The following RSRC1 variants were observed in gnomAD, a reference collection of about 807,000 sequenced individuals.
RSRC1 encodes arginine and serine rich coiled-coil 1, also known as serine/Arginine-related protein 53.
Under a neutral mutation model 49.1 loss-of-function variants are expected in RSRC1, and 39 were observed. That is an observed-to-expected ratio of 0.79 (90% CI 0.61 to 1.04). The LOEUF is 1.04. Among genes scored for constraint, RSRC1 ranks in the 50% least tolerant of loss-of-function variants. RSRC1 has a pLI of 0.00. For missense variants in RSRC1, 388 were observed against 402.4 expected, an observed-to-expected ratio of 0.96 and a Z score of 0.31; for synonymous variants, 143 against 130.8, an observed-to-expected ratio of 1.09 and a Z score of -0.63.
Position 158,475,668 on chromosome 3 carries a change from C to T in RSRC1, c.652+14665C>T, listed in dbSNP as rs144821992. Among the ~76,000 whole-genome samples, 80 of 152,138 alleles carry T rather than the reference C, an allele frequency of 5.3e-4. No individual in the cohort carries two copies. The East Asian group carries it at 0.015, about 29-fold the overall frequency. On this transcript the variant is annotated intron_variant, in intron 7 of 9. Transcript: ENST00000611884. ...AACTGCAACCATATAAGACAATGAA[C>T]TTAATAAATAGGTAAGCGTTGTGTG...
At chr3:158,238,025 G>A (rs185641928) in intron 4 of RSRC1, among the ~76,000 whole-genome samples, 8 of 152,178 alleles carry the variant, frequency 5.3e-5, no homozygotes, top group Admixed American at 2.6e-4. Flanking sequence ...AAAGTCTCAG[G>A]ATACAAAATC....
chr3:158,385,952 C>T (rs1732943852), intron 6 of RSRC1, among the ~76,000 whole-genome samples: 1 of 152,062 alleles, frequency 6.6e-6, no homozygotes. Flanking sequence ...TCTAAAGAAG[C>T]ATGTGGATTT....
chr3:158,111,897 C>T (rs1714435386), intron 1 of RSRC1, among the ~76,000 whole-genome samples: 1 of 152,136 alleles, frequency 6.6e-6, no homozygotes, highest in Admixed American at 6.5e-5. Context: ...TTGTGTAGTC[C>T]TTTGAGTTCT....
chr3:158,243,351 A>C (rs748507108), intron 4 of RSRC1, among the ~76,000 whole-genome samples: 2 of 152,094 alleles, frequency 1.3e-5, no homozygotes, highest in Non-Finnish European at 2.9e-5. Flanking sequence ...CAGAGATCAG[A>C]TGGTGGTAGG....
intron 6 of RSRC1, among the ~76,000 whole-genome samples, chr3:158,383,426 G>C (rs1047449247): frequency 2.0e-5 from 3 of 152,082 alleles, no homozygotes; most frequent in African/African-American, 7.2e-5. Flanking sequence ...CTGTGGATGT[G>C]GGAGGCTGAC....
At chr3:158,443,846 T>A (rs1736522164) in intron 6 of RSRC1, among the ~76,000 whole-genome samples, 1 of 152,168 alleles carries the variant, frequency 6.6e-6, no homozygotes, top group South Asian at 2.1e-4. Flanking sequence ...ACTTGAACAC[T>A]CAAAGGCTAT....
At chr3:158,349,179 C>T (rs1247191751) in intron 5 of RSRC1, among the ~76,000 whole-genome samples, 2 of 151,934 alleles carry the variant, frequency 1.3e-5, no homozygotes, top group Admixed American at 6.6e-5. Context: ...AATTTAAATC[C>T]CCATCAACAG....
At chr3:158,247,106 C>T (rs1723944725) in intron 4 of RSRC1, among the ~76,000 whole-genome samples, 1 of 151,938 alleles carries the variant, frequency 6.6e-6, no homozygotes, top group Non-Finnish European at 1.5e-5. Context: ...TTCTTGTTTG[C>T]CTGTCCTTAT....
intron 5 of RSRC1, chr3:158,336,740 A>G (rs1357950332): frequency 6.6e-6 from 1 of 152,234 alleles, no homozygotes; most frequent in Non-Finnish European, 1.5e-5. Flanking sequence ...GGTCATTACC[A>G]GCTTCAGAGG....
chr3:158,147,102 C>CTTTTTTTTTTTT lies in RSRC1; in HGVS notation c.320+23127_320+23138dup, dbSNP rs35460810. On this transcript the variant is annotated intron_variant, in intron 3 of 9. Transcript: ENST00000611884. ...CCTTTTCTTTCTTCTGCTTTTCTGC[C>CTTTTTTTTTTTT]TTTTTTTTTTTTTTTTTTTTTTTTT... Among the ~76,000 whole-genome samples the CTTTTTTTTTTTT allele has an allele frequency of 9.8e-4, 34 of 34,734 alleles. 5 individuals are homozygous for CTTTTTTTTTTTT. The highest frequency in any genetic ancestry group is 3.8e-3 in the African/African-American group (25 of 6,614). The allele number at this position is 34,734 out of a possible 152,430, so 22.8% of individuals were successfully genotyped here. A position where few individuals can be genotyped will look rare whatever the true frequency, so the allele number is the denominator to read the frequency against.
At chr3:158,516,351 C>T (rs540741282) in intron 7 of RSRC1, among the ~76,000 whole-genome samples, 2 of 151,906 alleles carry the variant, frequency 1.3e-5, no homozygotes, top group East Asian at 3.9e-4. Flanking sequence ...TTGGAGTACC[C>T]GGCCGTGTGA....
chr3:158,536,099 T>A (rs1260879134), intron 7 of RSRC1, among the ~76,000 whole-genome samples: 1 of 151,352 alleles, frequency 6.6e-6, no homozygotes, highest in Non-Finnish European at 1.5e-5. Flanking sequence ...TTGTCCCCAA[T>A]GATCAATCTT....
Position 158,276,100 on chromosome 3 carries a change from C to T in RSRC1, c.495-21939C>T, listed in dbSNP as rs186060686. Reference sequence around the variant, plus strand: ...CAGGACTCTTAGAGCCCCACAGTGGCGTCCAGCTCACTCCTCTGCAACGGA... The same window carrying T: ...CAGGACTCTTAGAGCCCCACAGTGGTGTCCAGCTCACTCCTCTGCAACGGA... On this transcript the variant is annotated intron_variant, in intron 4 of 9. Transcript: ENST00000611884. 9.1e-5 allele frequency: 81 copies of T among 889,794 alleles called. No homozygotes were observed. The African/African-American group carries it at 1.2e-3, about 13-fold the overall frequency. The allele number at this position is 889,794 out of a possible 1,614,324, so 55.1% of individuals were successfully genotyped here.
rs1727916479 is a variant in RSRC1, at chr3:158,307,765, T to C, written c.531+9690T>C. Reference sequence around the variant, plus strand: ...GTAGACTTTCTATATATTTTTCTTATGAATGTATTTTAATTTCTGAATTTT... The same window carrying C: ...GTAGACTTTCTATATATTTTTCTTACGAATGTATTTTAATTTCTGAATTTT... On this transcript the variant is annotated intron_variant, in intron 5 of 9. Transcript: ENST00000611884. 3.9e-5 allele frequency among the ~76,000 whole-genome samples: 6 copies of C among 152,036 alleles called. No individual in the cohort carries two copies. The South Asian group carries it at 1.2e-3, about 32-fold the overall frequency.
chr3:158,485,994 T>C (rs1475671049), intron 7 of RSRC1, among the ~76,000 whole-genome samples: 1 of 152,094 alleles, frequency 6.6e-6, no homozygotes, highest in Non-Finnish European at 1.5e-5. Flanking sequence ...AAAGAAAAAA[T>C]CATAACGTTC....
intron 4 of RSRC1, among the ~76,000 whole-genome samples, chr3:158,280,908 A>G (rs1051437563): frequency 3.3e-5 from 5 of 151,994 alleles, no homozygotes; most frequent in African/African-American, 9.7e-5. Context: ...TAGCCTCCCA[A>G]AGTGCTGGGA....
chr3:158,389,111 C>A (rs1349609402), intron 6 of RSRC1, among the ~76,000 whole-genome samples: 1 of 152,066 alleles, frequency 6.6e-6, no homozygotes, highest in Non-Finnish European at 1.5e-5. Context: ...ATAAAGTTGC[C>A]ATCAAAGGAT....
At position 158,358,712 on chromosome 3, in the gene RSRC1, C is replaced by T. The variant is rs1265656755; in HGVS notation, c.583+3804C>T. 2.4e-4 allele frequency among the ~76,000 whole-genome samples: 36 copies of T among 152,056 alleles called. 1 individual carries two copies. The highest frequency in any genetic ancestry group is 1.5e-5 in the Non-Finnish European group (1 of 68,010). ...CAATTCTATCTAGTTCTAAACATTG[C>T]AATCACTCCAGAGTGAAACCGCTTA... On this transcript the variant is annotated intron_variant, in intron 6 of 9. Transcript: ENST00000611884.
At chr3:158,369,563 A>G (rs1731956085) in intron 6 of RSRC1, among the ~76,000 whole-genome samples, 1 of 152,110 alleles carries the variant, frequency 6.6e-6, no homozygotes, top group Non-Finnish European at 1.5e-5. Flanking sequence ...TTTTTCTTTC[A>G]TAATAACATT....
Sources: allele counts gnomAD v4.1 joint callset (sites outside exome capture counted in the v4.1 genomes callset), GRCh38; gene constraint gnomAD v4.1.1; transcripts MANE v1.5; gene names NCBI Gene and HGNC (gene_info 2026-07-23, HGNC 2026-07-21).